Variants in NLRP13 observed in about 807,000 individuals in gnomAD.
NLRP13 encodes the protein NLR family pyrin domain containing 13.
Under a neutral mutation model 94.4 loss-of-function variants are expected in NLRP13, and 82 were observed. The ratio of observed to expected loss-of-function variants is 0.87; its 90% CI spans 0.73 to 1.04. The LOEUF (loss-of-function observed/expected upper bound fraction) is 1.04, where lower values mean the gene tolerates loss of function less well. Ranked by LOEUF, NLRP13 falls within the 50% of genes least tolerant of loss-of-function variation. The probability of loss-of-function intolerance (pLI) is 0.00; values close to 1 mark genes in which losing one functional copy is unlikely to be tolerated. For synonymous variants in NLRP13, 553 were observed against 464.7 expected (o/e 1.19, Z -2.45); for missense variants, 1,426 against 1,230.8 (o/e 1.16, Z -2.37).
chr19:55,929,439 G>A (rs950117729), intron 1 of NLRP13, among the ~76,000 whole-genome samples: 3 of 152,178 alleles, frequency 2.0e-5, no homozygotes, highest in African/African-American at 7.2e-5. Context: ...GGAATACTAT[G>A]CAGCCGTAAA....
At chr19:55,913,771 G>C (rs867449902) in intron 4 of NLRP13, among the ~76,000 whole-genome samples, 1 of 151,824 alleles carries the variant, frequency 6.6e-6, no homozygotes, top group African/African-American at 2.4e-5. Flanking sequence ...TTTCAGGCGG[G>C]GGGAAGGCCA....
In NLRP13 at chr19:55,912,477, G is replaced by A; in HGVS notation, c.1340C>T (p.Ser447Leu). The change falls in exon 5 of 11, where the codon TCA (serine) becomes TTA (leucine). Residue 447 changes from serine (S) to leucine (L), a missense_variant. By Grantham distance (145) the Ser-to-Leu change is moderately radical (BLOSUM62 -2). Transcript: ENST00000342929. ...QPKVRYYDLQ[S>L]ITQTTTSLYA... ...CAGACTGGTGGTAGTCTGAGTGATT[G>A]ACTGGAGATCGTAATACCTCACCTT... 6.2e-7 allele frequency: 1 copy of A among 1,614,194 alleles called. No individual in the cohort carries two copies. Among genetic ancestry groups the A allele is most frequent in the Non-Finnish European group, 8.5e-7 (1 of 1,180,020 alleles).
Position 55,912,960 on chromosome 19 carries a change from G to A in NLRP13, c.857C>T (p.Ser286Phe), listed in dbSNP as rs766031545. 6 of 1,613,920 alleles carry A rather than the reference G, an allele frequency of 3.7e-6. No homozygotes were observed. Among genetic ancestry groups the A allele is most frequent in the Non-Finnish European group, 5.1e-6 (6 of 1,179,918 alleles). The change falls in exon 5 of 11, where the codon TCT (serine) becomes TTT (phenylalanine). Residue 286 changes from serine to phenylalanine, a missense_variant. Transcript: ENST00000342929. ...MKETTFAELISLDWPDFDAPI... is the reference protein window; with the variant it reads ...MKETTFAELIFLDWPDFDAPI... The stretch of plus-strand genomic sequence containing the variant: ...GGCATCAAAATCGGGCCAATCCAAA[G>A]AAATCAATTCAGCAAAGGTAGTTTC...
rs1206481676 is a variant in NLRP13 at position 55,898,914 on chromosome 19, C to G, written c.2813G>C (p.Arg938Thr). The G allele has an allele frequency of 6.2e-7, 1 of 1,605,552 alleles. No homozygotes were observed. Among genetic ancestry groups the G allele is most frequent in the East Asian group, 2.2e-5 (1 of 44,774 alleles). The change falls in exon 10 of 11, where the codon AGA becomes ACA. Residue 938 changes from arginine (R) to threonine (T), a missense_variant. By Grantham distance (71) the Arg-to-Thr change is moderately conservative (BLOSUM62 -1). Coordinates refer to ENST00000342929, the MANE Select transcript of NLRP13 (RefSeq NM_176810.2). ...ATTAGCCAGCTCTCCACAGCCCTCT[C>G]TTGTGAAAGAACAACCTGACAAACT... ...SLNLSGCSFTREGCGELANAL... is the reference protein window; with the variant it reads ...SLNLSGCSFTTEGCGELANAL...
At chr19:55,891,956 C>T (rs1214564552), downstream of NLRP13, 3 of 462,844 alleles carry the variant, frequency 6.5e-6, no homozygotes, top group East Asian at 3.5e-5. Flanking sequence ...TGGTGGCTTT[C>T]CCCCAAGATC....
intron 2 of NLRP13, 150 bp from the exon 3 acceptor site, chr19:55,924,808 A>G (rs1986928207): frequency 5.9e-6 from 5 of 841,872 alleles, no homozygotes; most frequent in Non-Finnish European, 9.8e-6. Flanking sequence ...ACAGTAAGTT[A>G]TCATTTAATA....
chr19:55,901,880 T>A (rs1388437288), intron 9 of NLRP13, among the ~76,000 whole-genome samples, 155 bp downstream of exon 9: 4 of 151,908 alleles, frequency 2.6e-5, no homozygotes, highest in Non-Finnish European at 5.9e-5. Flanking sequence ...CCTCCCACTT[T>A]CCCCATCCCA....
intron 9 of NLRP13, among the ~76,000 whole-genome samples, chr19:55,900,782 A>C (rs1043572575): frequency 4.9e-4 from 74 of 151,900 alleles, no homozygotes; most frequent in East Asian, 9.7e-4. Context: ...TCTTAAAAAA[A>C]AAAAAAAAAT....
Position 55,910,601 on chromosome 19 carries a change from A to T in NLRP13, c.2244T>A (p.Leu748=), listed in dbSNP as rs1253057106. Residue 748 remains leucine (L), a synonymous_variant, in exon 6 of 11, where the codon CTT becomes CTA. Transcript: ENST00000342929. ...LHASSVKGLC[L]ALKNPRCKVQ... is the part of the protein sequence containing the mutation. ...CTTTGCATCTTGGATTTTTCAGTGC[A>T]AGACAGAGACCCTTCACAGAGGAAG... The T allele has an allele frequency of 1.2e-6, 2 of 1,612,348 alleles. No homozygotes were observed.
intron 1 of NLRP13, 58 bp downstream of exon 1, chr19:55,931,935 C>A (rs1600283837): frequency 4.6e-5 from 70 of 1,524,452 alleles, no homozygotes; most frequent in Non-Finnish European, 2.7e-6. Flanking sequence ...CCAGCGGCTA[C>A]CTCCTTGCCT....
chr19:55,905,247 G>C, intron 7 of NLRP13, 135 bp from the exon 8 acceptor site: 1 of 1,058,724 alleles, frequency 9.4e-7, no homozygotes, highest in Non-Finnish European at 1.3e-6. Context: ...AAAGCTTAAA[G>C]AAGGAGAAAA....
chr19:55,925,099 G>T, intron 1 of NLRP13, 64 bp from the exon 2 acceptor site: 1 of 1,419,328 alleles, frequency 7.0e-7, no homozygotes, highest in Non-Finnish European at 1.0e-6. Context: ...AGCAATAATG[G>T]AGTCTCTCAG....
At chr19:55,920,520 C>T (rs1320636672) in intron 4 of NLRP13, among the ~76,000 whole-genome samples, 3 of 151,368 alleles carry the variant, frequency 2.0e-5, no homozygotes, top group African/African-American at 7.3e-5. Flanking sequence ...TAAAAGAAGA[C>T]ATAGAAGTAG....
In NLRP13 at chr19:55,911,780, C is replaced by A. The variant is rs199475876; in HGVS notation, c.2037G>T (p.Lys679Asn). Residue 679 changes from lysine to asparagine, a missense_variant, in exon 5 of 11, where the codon AAG (lysine) becomes AAT (asparagine). Physicochemically the swap from Lys to Asn is moderately conservative, Grantham distance 94 (BLOSUM62 0). Coordinates refer to ENST00000342929, the MANE Select transcript of NLRP13 (RefSeq NM_176810.2). ...EELQASSFCL[K>N]HCKRLNKLRL... Reference sequence around the variant, plus strand: ...TTAGCTTATTTAACCTTTTACAGTGCTTTAGGCAAAATGAAGAAGCTTGGA... The same window carrying A: ...TTAGCTTATTTAACCTTTTACAGTGATTTAGGCAAAATGAAGAAGCTTGGA... 5.5e-5 allele frequency: 88 copies of A among 1,614,080 alleles called. 1 individual carries two copies. The highest frequency in any genetic ancestry group is 4.9e-4 in the Middle Eastern group (3 of 6,062).
intron 3 of NLRP13, 75 bp downstream of exon 3, chr19:55,924,515 G>C: frequency 9.9e-7 from 1 of 1,011,386 alleles, no homozygotes; most frequent in Non-Finnish European, 1.6e-6. Context: ...TTTCAGCATA[G>C]GCAGCAAATG....
At chr19:55,924,710 G>T (rs759704936) in intron 2 of NLRP13, 52 bp from the exon 3 acceptor site, 5 of 1,516,998 alleles carry the variant, frequency 3.3e-6, no homozygotes, top group Non-Finnish European at 4.6e-6. Flanking sequence ...GTGAAAATGG[G>T]CCAGCAATAA....
chr19:55,895,200 A>AAAAG (rs1345613976), downstream of NLRP13, among the ~76,000 whole-genome samples: 1 of 143,074 alleles, frequency 7.0e-6, no homozygotes, highest in Admixed American at 6.8e-5. Flanking sequence ...AAGTATGTTA[A>AAAAG]AAAAAAAAAA....
At chr19:55,923,074 T>C (rs1343167268) in intron 4 of NLRP13, among the ~76,000 whole-genome samples, 2 of 152,232 alleles carry the variant, frequency 1.3e-5, no homozygotes, top group Non-Finnish European at 2.9e-5. Flanking sequence ...CTAGAATGTA[T>C]GTTTTACTTT....
At chr19:55,898,970 G>A (rs1986092157) in intron 9 of NLRP13, 33 bp from the exon 10 acceptor site, 7 of 1,599,074 alleles carry the variant, frequency 4.4e-6, no homozygotes, top group Middle Eastern at 1.7e-4. Context: ...AGGGGGGAAA[G>A]TAATTGCGTC....
Sources: allele counts gnomAD v4.1 joint callset (sites outside exome capture counted in the v4.1 genomes callset), GRCh38; gene constraint gnomAD v4.1.1; transcripts MANE v1.5; gene names NCBI Gene and HGNC (gene_info 2026-07-23, HGNC 2026-07-21).